Variants in DICER1 observed in about 807,000 individuals in gnomAD.
DICER1 encodes the protein endoribonuclease Dicer.
A neutral mutation model predicts 194.1 loss-of-function variants in DICER1; 43 were observed. The observed-to-expected ratio is 0.22, with a 90% CI of 0.17 to 0.29. The LOEUF is 0.29. Among genes scored for constraint, DICER1 ranks in the 10% least tolerant of loss-of-function variants. The probability of loss-of-function intolerance (pLI) is 1.00; values close to 1 mark genes in which losing one functional copy is unlikely to be tolerated. For synonymous variants in DICER1, 832 were observed against 820.5 expected (o/e 1.01, Z -0.24); for missense variants, 1,608 against 2,317.0 (o/e 0.69, Z 6.28).
At chr14:95,104,980 A>T (rs1891278590) in intron 20 of DICER1, 91 bp downstream of exon 20, 2 of 1,282,522 alleles carry the variant, frequency 1.6e-6, no homozygotes, top group Non-Finnish European at 1.1e-6. Context: ...TCTTTTAAGA[A>T]TTATTTTATA....
chr14:95,136,189 A>G (rs992075330), intron 1 of DICER1, among the ~76,000 whole-genome samples: 1 of 152,074 alleles, frequency 6.6e-6, no homozygotes, highest in African/African-American at 2.4e-5. Flanking sequence ...TTCTTGCAAC[A>G]TAAATCTTTT....
At chr14:95,149,989 T>C (rs981989086) in intron 1 of DICER1, among the ~76,000 whole-genome samples, 1 of 152,232 alleles carries the variant, frequency 6.6e-6, no homozygotes, top group African/African-American at 2.4e-5. Flanking sequence ...AATTTTGGTA[T>C]CATCTGACTA....
chr14:95,094,489 T>C lies in DICER1; in HGVS notation c.5096-333A>G, dbSNP rs956446485. 4.6e-5 allele frequency among the ~76,000 whole-genome samples: 7 copies of C among 152,298 alleles called. No individual in the cohort carries two copies. In the South Asian group the frequency reaches 1.5e-3, roughly 32 times the overall value. ...GGCACTGTGCTGTCTGGGCAGGTGC[T>C]GGGGCCTTCCTCTCGAGTCTCCCTC... is the stretch of plus-strand genomic sequence containing the variant. On this transcript the variant is annotated intron_variant, in intron 23 of 26. Coordinates refer to ENST00000343455, the MANE Select transcript of DICER1 (RefSeq NM_177438.3).
rs2140137882 is a variant in DICER1, at chr14:95,117,676, C to T, written c.1455G>A (p.Gly485=). The T allele has an allele frequency of 1.2e-6, 2 of 1,614,066 alleles. No individual in the cohort carries two copies. Among genetic ancestry groups the T allele is most frequent in the Non-Finnish European group, 1.7e-6 (2 of 1,179,946 alleles). The part of the protein sequence containing the change: ...SSNFITGHGI[G]KNQPRNKQME... Reference sequence around the variant, plus strand: ...TCTGTTTGTTGCGAGGCTGATTCTTCCCAATGCCATGTCCAGTTATGAAAT... The same window carrying T: ...TCTGTTTGTTGCGAGGCTGATTCTTTCCAATGCCATGTCCAGTTATGAAAT... Residue 485 remains glycine (G), a synonymous_variant, in exon 9 of 27, where the codon GGG becomes GGA. Coordinates refer to ENST00000343455, the MANE Select transcript of DICER1 (RefSeq NM_177438.3).
At chr14:95,147,541 C>T (rs1379565763) in intron 1 of DICER1, among the ~76,000 whole-genome samples, 3 of 152,190 alleles carry the variant, frequency 2.0e-5, no homozygotes, top group African/African-American at 7.2e-5. Context: ...AAAACACACA[C>T]AAACTGTTTT....
intron 7 of DICER1, among the ~76,000 whole-genome samples, chr14:95,126,180 T>A (rs773353245): frequency 6.6e-6 from 1 of 152,202 alleles, no homozygotes; most frequent in Non-Finnish European, 1.5e-5. Context: ...CTAAGGGATC[T>A]CTTCTCAAAG....
chr14:95,095,072 T>C (rs1268373791), intron 23 of DICER1, among the ~76,000 whole-genome samples: 1 of 152,238 alleles, frequency 6.6e-6, no homozygotes, highest in Non-Finnish European at 1.5e-5. Flanking sequence ...GGTTTTTACA[T>C]TTTGCTGATC....
intron 1 of DICER1, among the ~76,000 whole-genome samples, chr14:95,141,496 A>G (rs1449391140): frequency 2.6e-5 from 4 of 152,186 alleles, no homozygotes; most frequent in African/African-American, 7.2e-5. Flanking sequence ...AGCCTTCTGC[A>G]ATGCCTCCAC....
At position 95,096,595 on chromosome 14, in the gene DICER1, A is replaced by C. The variant is rs1890365639; in HGVS notation, c.4325T>G (p.Phe1442Cys). The change falls in exon 23 of 27, where the codon TTC (phenylalanine) becomes TGC (cysteine). Residue 1442 changes from phenylalanine (F) to cysteine (C), a missense_variant. This residue lies in a region of DICER1 where 164 missense variants were observed against 183.7 expected (regional missense o/e 0.89). Coordinates refer to ENST00000343455, the MANE Select transcript of DICER1 (RefSeq NM_177438.3). ...PKEEADYEDD[F>C]LEYDQEHIRF... Reference sequence around the variant, plus strand: ...GATATGTTCCTGATCATACTCCAGGAAATCATCTTCATAGTCAGCCTCTTC... The same window carrying C: ...GATATGTTCCTGATCATACTCCAGGCAATCATCTTCATAGTCAGCCTCTTC... 6.2e-7 allele frequency: 1 copy of C among 1,611,916 alleles called. No individual in the cohort carries two copies. Among genetic ancestry groups the C allele is most frequent in the Non-Finnish European group, 8.5e-7 (1 of 1,178,660 alleles).
At position 95,117,764 on chromosome 14, in the gene DICER1, T is replaced by G; in HGVS notation, c.1377-10A>C. 1 of 1,613,506 alleles carries G rather than the reference T, an allele frequency of 6.2e-7. No individual in the cohort carries two copies. The highest frequency in any genetic ancestry group is 8.5e-7 in the Non-Finnish European group (1 of 1,179,550). ...AGCTTCCTTTATCAATCTAAGAAAA[T>G]TATACACATTTGGAAGTTAAACGTT... On this transcript the variant is annotated splice_polypyrimidine_tract_variant and intron_variant, in intron 8 of 26. Transcript: ENST00000343455.
At chr14:95,109,489 C>T (rs897810508) in intron 14 of DICER1, among the ~76,000 whole-genome samples, 7 of 152,202 alleles carry the variant, frequency 4.6e-5, no homozygotes, top group Admixed American at 2.6e-4. Context: ...CTGCCTCAGC[C>T]TCCTAAAATG....
At chr14:95,143,945 G>C (rs1478672234) in intron 1 of DICER1, among the ~76,000 whole-genome samples, 3 of 151,992 alleles carry the variant, frequency 2.0e-5, no homozygotes, top group African/African-American at 7.3e-5. Context: ...CTACATGGAG[G>C]AATTTTTAAA....
At chr14:95,140,020 A>AT (rs1251206372) in intron 1 of DICER1, among the ~76,000 whole-genome samples, 1 of 152,194 alleles carries the variant, frequency 6.6e-6, no homozygotes, top group Non-Finnish European at 1.5e-5. Flanking sequence ...GTTTAAACAG[A>AT]TTTTTTAAAC....
rs143917697 is a variant in DICER1 at position 95,107,408 on chromosome 14, G to A, written c.2804+200C>T. On this transcript the variant is annotated intron_variant, in intron 17 of 26. Transcript: ENST00000343455. ...TGGGACTACAGGCGTGCACCACCACGCCTGGCTAATTTTTTGTATTTTTAG... is the reference window on the plus strand; with the variant it reads ...TGGGACTACAGGCGTGCACCACCACACCTGGCTAATTTTTTGTATTTTTAG... Among the ~76,000 whole-genome samples, 880 of 152,014 alleles carry A rather than the reference G, an allele frequency of 5.8e-3. 11 individuals carry two copies. Among genetic ancestry groups the A allele is most frequent in the African/African-American group, 0.02 (821 of 41,468 alleles).
At chr14:95,155,772 T>G (rs1435144376) in intron 1 of DICER1, among the ~76,000 whole-genome samples, 1 of 152,252 alleles carries the variant, frequency 6.6e-6, no homozygotes. Flanking sequence ...GTTACCATGA[T>G]CAATGTTTAT....
At chr14:95,112,442 C>T (rs1892062234) in intron 12 of DICER1, among the ~76,000 whole-genome samples, 195 bp from the exon 13 acceptor site, 1 of 152,096 alleles carries the variant, frequency 6.6e-6, no homozygotes, top group African/African-American at 2.4e-5. Context: ...TTTAAAAGTC[C>T]TGCCTAGTAA....
In DICER1 at chr14:95,103,983, T is replaced by C; in HGVS notation, c.3413A>G (p.Asn1138Ser). Residue 1138 changes from asparagine (N) to serine (S), a missense_variant, in exon 21 of 27, where the codon AAT (asparagine) becomes AGT (serine). Asn to Ser is a conservative substitution (Grantham distance 46, BLOSUM62 1). This residue lies in a region of DICER1 where 222 missense variants were observed against 215.5 expected (regional missense o/e 1.03). Transcript: ENST00000343455. ...ATGATTTTCTAGAGAGGAGGTTCTA[T>C]TAGCACCTTGATGTGCAGCATTTTC... ...VPENAAHQGA[N>S]RTSSLENHDQ... is the part of the protein sequence containing the mutation. The C allele has an allele frequency of 6.2e-7, 1 of 1,614,208 alleles. No homozygotes were observed. The highest frequency in any genetic ancestry group is 8.5e-7 in the Non-Finnish European group (1 of 1,180,022).
At position 95,145,101 on chromosome 14, in the gene DICER1, T is replaced by A. The variant is rs144475956; in HGVS notation, c.-45-11598A>T. ...AAGATGGTATATGAGCCTCTAAATC[T>A]AAGTGTTTCTTTGGGATTTTACATC... On this transcript the variant is annotated intron_variant, in intron 1 of 26. Transcript: ENST00000343455. Among the ~76,000 whole-genome samples the A allele has an allele frequency of 6.6e-4, 101 of 152,350 alleles. 1 individual carries two copies. Among genetic ancestry groups the A allele is most frequent in the Middle Eastern group, 3.4e-3 (1 of 294 alleles).
intron 1 of DICER1, among the ~76,000 whole-genome samples, chr14:95,137,596 G>C (rs893346125): frequency 2.6e-5 from 4 of 152,076 alleles, no homozygotes; most frequent in African/African-American, 9.7e-5. Context: ...AAGGAAAAAA[G>C]TCAGGGATCA....
Sources: gnomAD v4.1 joint callset for allele counts (sites outside exome capture counted in the v4.1 genomes callset) on GRCh38, gnomAD v4.1.1 for gene constraint, gnomAD v4.1.1 regional missense constraint, MANE v1.5 for transcripts, NCBI Gene and HGNC (gene_info 2026-07-23, HGNC 2026-07-21) for gene names.